SYNE1: variants seen among roughly 807,000 people sequenced by gnomAD.
SYNE1 encodes nesprin-1.
SYNE1 carries 616 observed loss-of-function variants against 1,111.0 expected under a neutral mutation model. The observed-to-expected ratio is 0.55, with a 90% confidence interval of 0.52 to 0.59. The LOEUF (loss-of-function observed/expected upper bound fraction) is 0.59. SYNE1 is among the 20% of genes least tolerant of loss of function. The pLI is 0.00. For missense variants in SYNE1, 10,006 were observed against 10,417.0 expected, an observed-to-expected ratio of 0.96 and a Z score of 1.72; for synonymous variants, 3,855 against 3,825.8, an observed-to-expected ratio of 1.01 and a Z score of -0.28.
At chr6:152,366,485 G>C (rs1183363046) in intron 62 of SYNE1, among the ~76,000 whole-genome samples, 4 of 151,972 alleles carry the variant, frequency 2.6e-5, no homozygotes, top group African/African-American at 7.3e-5. Context: ...AAGAAGGCAA[G>C]ACTCTGTCTT....
chr6:152,465,604 TACAAATGGAAA>T, intron 17 of SYNE1, 144 bp from the exon 18 acceptor site: 2 of 779,046 alleles, frequency 2.6e-6, no homozygotes, highest in Non-Finnish European at 4.2e-6. Flanking sequence ...CAGACATAAT[TACAAATGGAAA>T]ACAAATGTAT....
chr6:152,193,347 A>G (rs532044838), intron 127 of SYNE1, among the ~76,000 whole-genome samples: 17 of 152,350 alleles, frequency 1.1e-4, no homozygotes, highest in African/African-American at 4.1e-4. Flanking sequence ...ACAAACAAGC[A>G]AAAAGAAAAC....
At chr6:152,372,254 A>T (rs1394348525) in intron 59 of SYNE1, among the ~76,000 whole-genome samples, 1 of 152,226 alleles carries the variant, frequency 6.6e-6, no homozygotes, top group African/African-American at 2.4e-5. Flanking sequence ...TGGCCACGAA[A>T]AAACAGTCAC....
At chr6:152,194,211 T>C (rs909720090) in intron 127 of SYNE1, among the ~76,000 whole-genome samples, 2 of 150,998 alleles carry the variant, frequency 1.3e-5, no homozygotes, top group Non-Finnish European at 3.0e-5. Context: ...TGAAATCCCT[T>C]AGCTTTTGTT....
At chr6:152,443,550 C>T (rs962866570) in intron 30 of SYNE1, among the ~76,000 whole-genome samples, 4 of 152,214 alleles carry the variant, frequency 2.6e-5, no homozygotes, top group Admixed American at 6.5e-5. Context: ...AGGCGTGAGC[C>T]ACCGTGCCCG....
chr6:152,350,542 C>T, intron 71 of SYNE1, 76 bp downstream of exon 71: 1 of 1,595,178 alleles, frequency 6.3e-7, no homozygotes, highest in Non-Finnish European at 8.6e-7. Context: ...CTTAAAATTA[C>T]ATGACAGAGA....
Position 152,338,442 on chromosome 6 carries a change from C to T in SYNE1, c.12351+799G>A, listed in dbSNP as rs115596226. 8.9e-3 allele frequency among the ~76,000 whole-genome samples: 1,357 copies of T among 151,838 alleles called. 21 individuals are homozygous for T. The highest frequency in any genetic ancestry group is 0.028 in the African/African-American group (1,165 of 41,412). ...TTCGAGACCAGCCTGGGAAACACAG[C>T]GAAGCCCTGTCTCTACAAAAAGTAT... On this transcript the variant is annotated intron_variant, in intron 75 of 145. Transcript: ENST00000367255.
At chr6:152,201,023 G>A (rs1378236180) in intron 127 of SYNE1, among the ~76,000 whole-genome samples, 1 of 152,158 alleles carries the variant, frequency 6.6e-6, no homozygotes, top group African/African-American at 2.4e-5. Context: ...AGTCATTTAA[G>A]TATATGCGAA....
chr6:152,511,563 G>A (rs374228729), intron 6 of SYNE1: 1 of 1,612,306 alleles, frequency 6.2e-7, no homozygotes, highest in South Asian at 1.1e-5. Context: ...TCTAAAATTT[G>A]TACTAACCGG....
At chr6:152,427,053 T>G (rs771395215) in intron 38 of SYNE1, among the ~76,000 whole-genome samples, 5 of 152,256 alleles carry the variant, frequency 3.3e-5, no homozygotes, top group Admixed American at 6.5e-5. Flanking sequence ...ACAGTATCAT[T>G]TAAGGCAAGT....
intron 11 of SYNE1, among the ~76,000 whole-genome samples, chr6:152,490,289 T>G (rs2098963370): frequency 6.6e-6 from 1 of 151,342 alleles, no homozygotes; most frequent in Non-Finnish European, 1.5e-5. Context: ...ATCTTGGGGG[T>G]CCTGGAACCA....
At chr6:152,190,318 C>A (rs1013402722) in intron 127 of SYNE1, among the ~76,000 whole-genome samples, 7 of 152,182 alleles carry the variant, frequency 4.6e-5, no homozygotes, top group African/African-American at 1.4e-4. Flanking sequence ...TGGAGCTACT[C>A]CCTCCACCAC....
chr6:152,136,212 T>C (rs373886664), intron 141 of SYNE1, among the ~76,000 whole-genome samples: 82 of 152,338 alleles, frequency 5.4e-4, no homozygotes, highest in African/African-American at 1.8e-3. Flanking sequence ...GTCTGCCATA[T>C]GGTGGACGCC....
intron 120 of SYNE1, among the ~76,000 whole-genome samples, 167 bp downstream of exon 120, chr6:152,218,836 C>G (rs535892705): frequency 6.6e-6 from 1 of 152,156 alleles, no homozygotes; most frequent in Non-Finnish European, 1.5e-5. Context: ...CAGCGCAAAA[C>G]GTCCACCTTC....
rs113255522 is a variant in SYNE1 at position 152,220,926 on chromosome 6, C to T, written c.21777G>A (p.Glu7259=). 8.1e-6 allele frequency: 13 copies of T among 1,614,172 alleles called. No individual in the cohort carries two copies. The highest frequency in any genetic ancestry group is 1.1e-5 in the Non-Finnish European group (13 of 1,180,002). The change falls in exon 119 of 146, where the codon GAG becomes GAA. Residue 7259 remains glutamate (E), a synonymous_variant. Coordinates refer to ENST00000367255, the MANE Select transcript of SYNE1 (RefSeq NM_182961.4). ...CCTTCAACAGCTCATTGGTTCGATC[C>T]TCCTGCTGCTGAACTGTCGAAGCAC... is the stretch of plus-strand genomic sequence containing the variant. The part of the protein sequence containing the change: ...KQCASTVQQQ[E]DRTNELLKAA...
At chr6:152,386,571 T>A (rs747689997) in intron 54 of SYNE1, among the ~76,000 whole-genome samples, 12 of 152,110 alleles carry the variant, frequency 7.9e-5, no homozygotes, top group Non-Finnish European at 1.5e-4. Flanking sequence ...ATGAAGGAAA[T>A]GAAAGATTCA....
chr6:152,437,157 G>A (rs215004), intron 32 of SYNE1, among the ~76,000 whole-genome samples: 78,007 of 151,748 alleles, frequency 0.51, 22,155 homozygotes, highest in African/African-American at 0.75. Context: ...TTGTCTCAAA[G>A]AAAAAAGAGA....
intron 3 of SYNE1, among the ~76,000 whole-genome samples, chr6:152,617,920 G>A (rs532878925): frequency 6.6e-6 from 1 of 152,112 alleles, no homozygotes; most frequent in Non-Finnish European, 1.5e-5. Context: ...TTGTTCGGGG[G>A]ATTGCAACAC....
rs1184497932 is a variant in SYNE1 at position 152,311,783 on chromosome 6, A to AT, written c.16711-911dup. On this transcript the variant is annotated intron_variant, in intron 87 of 145. Transcript: ENST00000367255. ...TTCTTAGGCAATAGACTATTTATTT[A>AT]TTTCTTTTTTGAGACGGAGTCTCGC... 6.8e-3 allele frequency among the ~76,000 whole-genome samples: 1,014 copies of AT among 148,744 alleles called. 13 individuals are homozygous for AT. Among genetic ancestry groups the AT allele is most frequent in the African/African-American group, 0.024 (948 of 39,596 alleles).
Sources: gnomAD v4.1 joint callset for allele counts (sites outside exome capture counted in the v4.1 genomes callset) on GRCh38, gnomAD v4.1.1 for gene constraint, MANE v1.5 for transcripts, NCBI Gene and HGNC (gene_info 2026-07-23, HGNC 2026-07-21) for gene names.